The following NDUFA9 variants were observed in gnomAD, a reference collection of about 807,000 sequenced individuals.
NDUFA9 encodes NADH dehydrogenase [ubiquinone] 1 alpha subcomplex subunit 9, mitochondrial.
NDUFA9 carries 23 observed loss-of-function variants against 45.9 expected under a neutral mutation model. That is an observed-to-expected ratio of 0.50 (90% confidence interval 0.36 to 0.71). NDUFA9 has a LOEUF of 0.71. Among genes scored for constraint, NDUFA9 ranks in the 30% least tolerant of loss-of-function variants. NDUFA9 has a pLI of 0.00. For missense variants in NDUFA9, 466 were observed against 488.2 expected (o/e 0.95, Z 0.43); for synonymous variants, 176 against 170.5 (o/e 1.03, Z -0.25).
intron 8 of NDUFA9, among the ~76,000 whole-genome samples, chr12:4,670,825 A>C (rs903459612): frequency 9.9e-5 from 15 of 152,228 alleles, no homozygotes; most frequent in South Asian, 2.1e-4. Flanking sequence ...AAAATACTAC[A>C]CAAAAGACAT....
At chr12:4,651,496 G>T (rs11615364) in intron 1 of NDUFA9, among the ~76,000 whole-genome samples, 5,473 of 151,696 alleles carry the variant, frequency 0.036, 135 homozygotes, top group African/African-American at 0.069. Context: ...ATAATTCTTG[G>T]CCCATAATTA....
Position 4,687,752 on chromosome 12 carries a change from G to C in NDUFA9, c.*644G>C, listed in dbSNP as rs1483782784. Reference sequence around the variant, plus strand: ...CTTCACATGCAAAGGAGATGCTTCAGCTTCTATGCCAGCAGTGCCAGCACT... The same window carrying C: ...CTTCACATGCAAAGGAGATGCTTCACCTTCTATGCCAGCAGTGCCAGCACT... On this transcript the variant is annotated 3_prime_UTR_variant, in exon 11 of 11. Coordinates refer to ENST00000266544, the MANE Select transcript of NDUFA9 (RefSeq NM_005002.5). 6.6e-6 allele frequency: 1 copy of C among 152,202 alleles called. No homozygotes were observed. Among genetic ancestry groups the C allele is most frequent in the East Asian group, 1.9e-4 (1 of 5,200 alleles). The allele number at this position is 152,202 out of a possible 1,614,324, so 9.4% of individuals were successfully genotyped here.
chr12:4,686,871 C>A, intron 10 of NDUFA9, 67 bp from the exon 11 acceptor site: 1 of 1,466,580 alleles, frequency 6.8e-7, no homozygotes, highest in Non-Finnish European at 9.3e-7. Context: ...GTTTAAGTGC[C>A]TGCTAGGATA....
At position 4,669,754 on chromosome 12, in the gene NDUFA9, C is replaced by G; in HGVS notation, c.737C>G (p.Ser246Cys). Residue 246 changes from serine to cysteine, a missense_variant, in exon 8 of 11, where the codon TCC becomes TGC. Ser to Cys is a moderately radical substitution (Grantham distance 112). Transcript: ENST00000266544. ...AATTTCTTACAGGTCGTAGATGTAT[C>G]CAAAGGAATTGTTAATGCAGTTAAG... ...VKQPVYVVDV[S>C]KGIVNAVKDP... 6.2e-7 allele frequency: 1 copy of G among 1,607,716 alleles called. No individual in the cohort carries two copies. The highest frequency in any genetic ancestry group is 8.5e-7 in the Non-Finnish European group (1 of 1,174,438).
At position 4,689,227 on chromosome 12, in the gene NDUFA9, A is replaced by T. The variant is rs372126131; in HGVS notation, c.*2119A>T. The T allele has an allele frequency of 6.6e-6, 1 of 151,990 alleles. No individual in the cohort carries two copies. The highest frequency in any genetic ancestry group is 2.1e-4 in the South Asian group (1 of 4,812). The allele number at this position is 151,990 out of a possible 1,614,324, so 9.4% of individuals were successfully genotyped here. ...TTCTGTCTTAACTGTAATTATCTTC[A>T]TTTTCTAGCAATGCTATTTCTCATC... On this transcript the variant is annotated 3_prime_UTR_variant, in exon 11 of 11. Coordinates refer to ENST00000266544, the MANE Select transcript of NDUFA9 (RefSeq NM_005002.5).
At chr12:4,653,495 A>C (rs1001370534) in intron 1 of NDUFA9, 7 of 369,516 alleles carry the variant, frequency 1.9e-5, no homozygotes, top group Admixed American at 4.1e-5. Flanking sequence ...TGTAGAGAAG[A>C]TGTAAGCATT....
chr12:4,674,097 C>T (rs1004070203), intron 8 of NDUFA9, among the ~76,000 whole-genome samples: 2 of 152,150 alleles, frequency 1.3e-5, no homozygotes, highest in Non-Finnish European at 2.9e-5. Context: ...GAAATAAAAT[C>T]CTTTACAGAC....
intron 7 of NDUFA9, 65 bp from the exon 8 acceptor site, chr12:4,669,674 ATC>A (rs2137475482): frequency 1.0e-6 from 1 of 978,580 alleles, no homozygotes; most frequent in East Asian, 2.5e-5. Context: ...CTTTCTTTCT[ATC>A]TCTCCATCTC....
At chr12:4,674,467 AG>A (rs1945906696) in intron 8 of NDUFA9, among the ~76,000 whole-genome samples, 1 of 152,202 alleles carries the variant, frequency 6.6e-6, no homozygotes, top group Non-Finnish European at 1.5e-5. Flanking sequence ...CTCAAAATAA[AG>A]GGATGGAGGA....
At chr12:4,662,704 C>T (rs1945830715) in intron 6 of NDUFA9, 69 bp downstream of exon 6, 1 of 1,244,444 alleles carries the variant, frequency 8.0e-7, no homozygotes, top group Non-Finnish European at 1.2e-6. Context: ...CTCAAGCTAA[C>T]AGTTTTCTCT....
chr12:4,668,328 C>A, intron 6 of NDUFA9, 129 bp from the exon 7 acceptor site: 1 of 748,532 alleles, frequency 1.3e-6, no homozygotes, highest in Non-Finnish European at 2.2e-6. Context: ...AGTGCATTCA[C>A]TTCCTCAGAG....
At chr12:4,660,340 A>G (rs1591544053) in intron 5 of NDUFA9, among the ~76,000 whole-genome samples, 1 of 152,162 alleles carries the variant, frequency 6.6e-6, no homozygotes, top group East Asian at 1.9e-4. Flanking sequence ...GAGGAGCACT[A>G]TTTTACTTGA....
intron 10 of NDUFA9, among the ~76,000 whole-genome samples, chr12:4,686,669 C>A (rs1005252105): frequency 6.6e-6 from 1 of 152,102 alleles, no homozygotes; most frequent in Non-Finnish European, 1.5e-5. Flanking sequence ...TAGAATGGCT[C>A]ATGTAGTGCC....
At chr12:4,653,594 T>C in intron 1 of NDUFA9, 1 of 449,804 alleles carries the variant, frequency 2.2e-6, no homozygotes, top group Non-Finnish European at 4.4e-6. Flanking sequence ...TCTCTTGCTG[T>C]TAAACTTTCT....
chr12:4,680,414 G>A (rs1024825980), intron 8 of NDUFA9, among the ~76,000 whole-genome samples: 1 of 152,136 alleles, frequency 6.6e-6, no homozygotes, highest in Non-Finnish European at 1.5e-5. Context: ...GATATTTGCA[G>A]AGGAATAACT....
chr12:4,677,173 C>T lies in NDUFA9; in HGVS notation c.801-5032C>T, dbSNP rs1442253623. On this transcript the variant is annotated intron_variant, in intron 8 of 10. Coordinates refer to ENST00000266544, the MANE Select transcript of NDUFA9 (RefSeq NM_005002.5). ...ACTCAAGATGGATTAAAGACTTAAA[C>T]GTAAGACCTAAAACCATAAAAACCT... Among the ~76,000 whole-genome samples the T allele has an allele frequency of 3.3e-5, 5 of 152,218 alleles. No individual in the cohort carries two copies. In the East Asian group the frequency reaches 7.7e-4, roughly 23 times the overall value.
chr12:4,658,763 T>G (rs1945806173), intron 4 of NDUFA9, among the ~76,000 whole-genome samples: 1 of 152,202 alleles, frequency 6.6e-6, no homozygotes, highest in African/African-American at 2.4e-5. Context: ...TTTTTTCTTT[T>G]TTTAGAAATA....
intron 9 of NDUFA9, among the ~76,000 whole-genome samples, chr12:4,684,558 C>T (rs557261662): frequency 1.3e-5 from 2 of 152,240 alleles, no homozygotes; most frequent in Non-Finnish European, 2.9e-5. Flanking sequence ...TCACTTGAGC[C>T]TGGGAGTGTG....
chr12:4,685,319 G>T lies in NDUFA9; in HGVS notation c.957G>T (p.Val319=). 1 of 1,613,550 alleles carries T rather than the reference G, an allele frequency of 6.2e-7. No homozygotes were observed. The highest frequency in any genetic ancestry group is 8.5e-7 in the Non-Finnish European group (1 of 1,179,494). ...AGCCCTGGATAACAAGGGATAAAGT[G>T]GAGCGGGTGAGTACATGTGTGGAAA... ...PFEPWITRDK[V]ERMHITDMKL... is the part of the protein sequence containing the mutation. The change falls in exon 10 of 11, where the codon GTG becomes GTT. Residue 319 remains valine (V), a synonymous_variant. Coordinates refer to ENST00000266544, the MANE Select transcript of NDUFA9 (RefSeq NM_005002.5).
Sources: allele counts gnomAD v4.1 joint callset (sites outside exome capture counted in the v4.1 genomes callset), GRCh38; gene constraint gnomAD v4.1.1; transcripts MANE v1.5; gene names NCBI Gene and HGNC (gene_info 2026-07-23, HGNC 2026-07-21).